The following NDST1 variants were observed in gnomAD, a reference collection of about 807,000 sequenced individuals.
NDST1 encodes bifunctional heparan sulfate N-deacetylase/N-sulfotransferase 1.
Under a neutral mutation model 92.8 loss-of-function variants are expected in NDST1, and 35 were observed. The ratio of observed to expected loss-of-function variants is 0.38; its 90% CI spans 0.29 to 0.50. The LOEUF (loss-of-function observed/expected upper bound fraction) is 0.50, where lower values mean the gene tolerates loss of function less well. Among genes scored for constraint, NDST1 ranks in the 20% least tolerant of loss-of-function variants. NDST1 has a pLI of 0.94. For missense variants in NDST1, 822 were observed against 1,182.7 expected (o/e 0.69, Z 4.47); for synonymous variants, 493 against 500.3 (o/e 0.99, Z 0.19).
intron 6 of NDST1, among the ~76,000 whole-genome samples, chr5:150,538,908 C>G (rs1176973198): frequency 1.3e-5 from 2 of 152,212 alleles, no homozygotes; most frequent in East Asian, 1.9e-4. Context: ...CAGAACATGT[C>G]TGGGATTGCT....
chr5:150,551,255 T>C (rs946910376), intron 13 of NDST1, among the ~76,000 whole-genome samples: 3 of 152,180 alleles, frequency 2.0e-5, no homozygotes, highest in African/African-American at 7.2e-5. Flanking sequence ...AATGAAATTC[T>C]CCAGTGACAG....
chr5:150,518,694 G>T (rs187227730), intron 1 of NDST1: 1 of 152,164 alleles, frequency 6.6e-6, no homozygotes, highest in East Asian at 1.9e-4. Flanking sequence ...AATACATACG[G>T]TAATTATATT....
rs748699863 is a variant in NDST1 at position 150,534,923 on chromosome 5, T to C, written c.1153T>C (p.Trp385Arg). The C allele has an allele frequency of 1.9e-5, 31 of 1,614,140 alleles. No homozygotes were observed. The highest frequency in any genetic ancestry group is 2.5e-5 in the Non-Finnish European group (29 of 1,180,054). The change falls in exon 5 of 15, where the codon TGG (tryptophan) becomes CGG (arginine). Residue 385 changes from tryptophan (W) to arginine (R), a missense_variant. Trp to Arg is a moderately radical substitution (Grantham distance 101, BLOSUM62 -3). Transcript: ENST00000261797. The part of the protein sequence containing the change: ...DLLLSYVKEF[W>R]WFPHMWSHMQ... Reference sequence around the variant, plus strand: ...GCTGCTGTCGTATGTGAAGGAGTTCTGGTGGTTCCCCCACATGTGGAGCCA... The same window carrying C: ...GCTGCTGTCGTATGTGAAGGAGTTCCGGTGGTTCCCCCACATGTGGAGCCA...
intron 5 of NDST1, 39 bp from the exon 6 acceptor site, chr5:150,535,661 A>C (rs772276327): frequency 3.1e-6 from 5 of 1,608,000 alleles, no homozygotes; most frequent in Admixed American, 3.3e-5. Context: ...AAGGGGAAGG[A>C]CCCCTATGCT....
At chr5:150,511,668 G>A (rs1054917105) in intron 1 of NDST1, among the ~76,000 whole-genome samples, 10 of 152,098 alleles carry the variant, frequency 6.6e-5, no homozygotes, top group African/African-American at 1.9e-4. Flanking sequence ...TCCCGGTGGT[G>A]GTGGTCCTGG....
At chr5:150,548,612 C>T (rs1001559216) in intron 12 of NDST1, among the ~76,000 whole-genome samples, 1 of 152,142 alleles carries the variant, frequency 6.6e-6, no homozygotes, top group African/African-American at 2.4e-5. Flanking sequence ...TCTCAGCTCA[C>T]TATAGCCTCG....
At chr5:150,551,988 G>C in intron 14 of NDST1, 133 bp downstream of exon 14, 1 of 1,429,400 alleles carries the variant, frequency 7.0e-7, no homozygotes. Context: ...GACAGTATTT[G>C]TAAGAGGAGG....
chr5:150,527,887 C>T lies in NDST1; in HGVS notation c.597C>T (p.Ser199=). The change falls in exon 3 of 15, where the codon AGC becomes AGT. Residue 199 remains serine (S), a synonymous_variant. Coordinates refer to ENST00000261797, the MANE Select transcript of NDST1 (RefSeq NM_001543.5). The part of the protein sequence containing the change: ...LHSNLGLKDC[S]INPKSPLLYV... The stretch of plus-strand genomic sequence containing the variant: ...CAAACCTGGGCCTGAAGGACTGCAG[C>T]ATCAACCCCAAGTCCCCGCTGCTCT... 6.2e-7 allele frequency: 1 copy of T among 1,614,150 alleles called. No homozygotes were observed. The highest frequency in any genetic ancestry group is 8.5e-7 in the Non-Finnish European group (1 of 1,180,004).
rs762005832 is a variant in NDST1, at chr5:150,540,243, G to A, written c.1728G>A (p.Glu576=). 6 of 1,610,858 alleles carry A rather than the reference G, an allele frequency of 3.7e-6. No homozygotes were observed. The South Asian group carries it at 6.6e-5, about 18-fold the overall frequency. The stretch of plus-strand genomic sequence containing the variant: ...AGAAGTACTTCCAGATCTTCTCCGA[G>A]GAGAAGGACCCGCTCTGGCAGGTGG... ...LAQKYFQIFS[E]EKDPLWQDPC... is the part of the protein sequence containing the mutation. Residue 576 remains glutamate (E), a synonymous_variant, in exon 8 of 15, where the codon GAG becomes GAA. Transcript: ENST00000261797.
intron 1 of NDST1, among the ~76,000 whole-genome samples, chr5:150,512,422 C>A (rs570397469): frequency 6.6e-6 from 1 of 152,320 alleles, no homozygotes; most frequent in South Asian, 2.1e-4. Flanking sequence ...CCTCTAGAAA[C>A]CCTTGTGGAA....
chr5:150,553,589 G>A lies in NDST1; in HGVS notation c.*257G>A, dbSNP rs189790825. ...TCCGTTCCCAGCTGCTCCTGGGGAG[G>A]CCGCTTCCTGGTAGGAGGGAGTCCA... On this transcript the variant is annotated 3_prime_UTR_variant, in exon 15 of 15. Transcript: ENST00000261797. This position sits in a 1 kb window ranked among gnomAD's most constrained non-coding sequence, Gnocchi z 4.2. 55 of 483,262 alleles carry A rather than the reference G, an allele frequency of 1.1e-4. No homozygotes were observed. The East Asian group carries it at 1.8e-3, about 16-fold the overall frequency. The allele number at this position is 483,262 out of a possible 1,614,324, so 29.9% of individuals were successfully genotyped here. A position where few individuals can be genotyped will look rare whatever the true frequency, so the allele number is the denominator to read the frequency against.
At chr5:150,502,161 A>G (rs1053538769) in intron 1 of NDST1, among the ~76,000 whole-genome samples, 1 of 152,082 alleles carries the variant, frequency 6.6e-6, no homozygotes, top group Non-Finnish European at 1.5e-5. Flanking sequence ...TGGTTTGGGT[A>G]CACATTTTAG....
chr5:150,551,453 A>T (rs1156281164), intron 13 of NDST1, among the ~76,000 whole-genome samples: 1 of 152,080 alleles, frequency 6.6e-6, no homozygotes. Context: ...TTCCCAGAAC[A>T]CTGAAGGATG....
intron 1 of NDST1, among the ~76,000 whole-genome samples, chr5:150,500,291 A>AG (rs35224765): frequency 0.1 from 15,518 of 152,202 alleles, 1,221 homozygotes; most frequent in East Asian, 0.28. Flanking sequence ...CATTCAGACC[A>AG]GGGGGTCTAT....
At chr5:150,552,040 C>T (rs1179821765) in intron 14 of NDST1, 185 bp downstream of exon 14, 2 of 570,506 alleles carry the variant, frequency 3.5e-6, no homozygotes, top group Non-Finnish European at 4.4e-6. Context: ...CTGATTTCGT[C>T]AAACAAGTGT....
chr5:150,514,618 T>C (rs1243361642), intron 1 of NDST1, among the ~76,000 whole-genome samples: 1 of 151,496 alleles, frequency 6.6e-6, no homozygotes, highest in Non-Finnish European at 1.5e-5. Context: ...AGTATGGCAG[T>C]ATTCATAATG....
chr5:150,549,598 C>T, intron 12 of NDST1, 80 bp from the exon 13 acceptor site: 1 of 804,116 alleles, frequency 1.2e-6, no homozygotes, highest in South Asian at 1.4e-5. Flanking sequence ...TATAAGCAGG[C>T]CCATTCCTGC....
At chr5:150,522,086 G>C (rs545728091) in intron 2 of NDST1, among the ~76,000 whole-genome samples, 1 of 152,310 alleles carries the variant, frequency 6.6e-6, no homozygotes, top group East Asian at 1.9e-4. Flanking sequence ...CCCAAAATCT[G>C]TCAAGGCAAT....
chr5:150,545,541 A>T (rs947037928), intron 11 of NDST1, 55 bp downstream of exon 11: 1 of 1,591,876 alleles, frequency 6.3e-7, no homozygotes. Context: ...TCCGTCTGAC[A>T]CTCAGTTACT....
Sources: gnomAD v4.1 joint callset for allele counts (sites outside exome capture counted in the v4.1 genomes callset) on GRCh38, gnomAD v4.1.1 for gene constraint, Gnocchi (gnomAD v3.1) non-coding constraint, MANE v1.5 for transcripts, NCBI Gene and HGNC (gene_info 2026-07-23, HGNC 2026-07-21) for gene names.